Variants in ERBB4 observed in about 807,000 individuals in gnomAD.
ERBB4 encodes the protein erb-b2 receptor tyrosine kinase 4.
Under a neutral mutation model 158.0 loss-of-function variants are expected in ERBB4, and 42 were observed. That is an observed-to-expected ratio of 0.27 (90% CI 0.21 to 0.34). The LOEUF is 0.34. Ranked by LOEUF, ERBB4 falls within the 10% of genes least tolerant of loss-of-function variation. ERBB4 has a pLI of 1.00. For synonymous variants in ERBB4, 583 were observed against 558.7 expected (o/e 1.04, Z -0.61); for missense variants, 1,333 against 1,624.1 (o/e 0.82, Z 3.08).
intron 1 of ERBB4, among the ~76,000 whole-genome samples, chr2:212,521,518 G>A (rs958651463): frequency 4.6e-5 from 7 of 151,668 alleles, no homozygotes; most frequent in African/African-American, 1.2e-4. Flanking sequence ...CATATTTAAC[G>A]TTTTCTAACT....
At chr2:212,498,271 G>A (rs1172501994) in intron 1 of ERBB4, among the ~76,000 whole-genome samples, 1 of 152,032 alleles carries the variant, frequency 6.6e-6, no homozygotes, top group African/African-American at 2.4e-5. Context: ...GATCAAAGAG[G>A]CTACAGCTTT....
At chr2:211,451,119 C>G (rs1039741135) in intron 20 of ERBB4, among the ~76,000 whole-genome samples, 10 of 152,080 alleles carry the variant, frequency 6.6e-5, no homozygotes, top group African/African-American at 2.4e-4. Context: ...AGGGACAAAA[C>G]TGAGATGACA....
At chr2:211,725,932 T>A (rs1446058289) in intron 5 of ERBB4, among the ~76,000 whole-genome samples, 1 of 152,124 alleles carries the variant, frequency 6.6e-6, no homozygotes, top group Non-Finnish European at 1.5e-5. Context: ...TCTTTTCTTA[T>A]AACATGCTTC....
intron 20 of ERBB4, among the ~76,000 whole-genome samples, chr2:211,516,430 T>C (rs2066035625): frequency 6.6e-6 from 1 of 151,684 alleles, no homozygotes. Context: ...GCCTCCTGGG[T>C]TCAAGCGATT....
chr2:211,894,595 C>T (rs1450168615), intron 3 of ERBB4, among the ~76,000 whole-genome samples: 2 of 152,078 alleles, frequency 1.3e-5, no homozygotes, highest in African/African-American at 4.8e-5. Context: ...ACTCATTTCA[C>T]AAATCACTAA....
intron 3 of ERBB4, among the ~76,000 whole-genome samples, chr2:211,937,494 C>T (rs928662527): frequency 1.3e-4 from 20 of 152,170 alleles, no homozygotes; most frequent in African/African-American, 4.3e-4. Flanking sequence ...AGTCCATTCT[C>T]ACATTGCTGC....
In ERBB4 at chr2:212,323,687, C is replaced by T. The variant is rs2087676577; in HGVS notation, c.83-198784G>A. Among the ~76,000 whole-genome samples, 4 of 150,586 alleles carry T rather than the reference C, an allele frequency of 2.7e-5. No homozygotes were observed. In the South Asian group the frequency reaches 6.4e-4, roughly 24 times the overall value. On this transcript the variant is annotated intron_variant, in intron 1 of 27. Coordinates refer to ENST00000342788, the MANE Select transcript of ERBB4 (RefSeq NM_005235.3). ...ACAAAGTAAACAAAGTATAAAAGTG[C>T]TTCAAGAGATTATTATGATTATTGT...
In ERBB4 at chr2:211,986,439, T is replaced by C. The variant is rs573684329; in HGVS notation, c.235-38823A>G. ...TTGTTAGAACTCGTATTAGAATCTGTTGTCCATGAGGCAGTTTTTACTAAG... is the reference window on the plus strand; with the variant it reads ...TTGTTAGAACTCGTATTAGAATCTGCTGTCCATGAGGCAGTTTTTACTAAG... On this transcript the variant is annotated intron_variant, in intron 2 of 27. Transcript: ENST00000342788. 2.0e-5 allele frequency among the ~76,000 whole-genome samples: 3 copies of C among 152,322 alleles called. No homozygotes were observed. The East Asian group carries it at 5.8e-4, about 29-fold the overall frequency.
chr2:211,481,156 G>A (rs2065072984), intron 20 of ERBB4, among the ~76,000 whole-genome samples: 1 of 151,996 alleles, frequency 6.6e-6, no homozygotes, highest in Non-Finnish European at 1.5e-5. Context: ...AGTAAAAAGT[G>A]ATTGAATACC....
At chr2:211,772,748 T>A in intron 4 of ERBB4, among the ~76,000 whole-genome samples, 1 of 142,676 alleles carries the variant, frequency 7.0e-6, no homozygotes, top group Non-Finnish European at 1.5e-5. Flanking sequence ...TGGACTTAAG[T>A]GATCCTCCTA....
intron 24 of ERBB4, 54 bp from the exon 25 acceptor site, chr2:211,420,665 A>G: frequency 7.0e-7 from 1 of 1,419,836 alleles, no homozygotes; most frequent in East Asian, 2.3e-5. Context: ...TATCTTAAAT[A>G]TGTGGTCTCT....
chr2:212,059,087 G>A (rs2077675442), intron 2 of ERBB4, among the ~76,000 whole-genome samples: 1 of 152,172 alleles, frequency 6.6e-6, no homozygotes, highest in African/African-American at 2.4e-5. Flanking sequence ...AGCAACTTCA[G>A]CAAAGTCTCA....
intron 14 of ERBB4, among the ~76,000 whole-genome samples, chr2:211,667,157 G>T (rs1200540214): frequency 1.4e-5 from 2 of 142,016 alleles, no homozygotes; most frequent in Non-Finnish European, 3.0e-5. Context: ...ATTTGTGGTG[G>T]GCCACACTCA....
intron 1 of ERBB4, among the ~76,000 whole-genome samples, chr2:212,273,605 A>T (rs563986528): frequency 7.9e-5 from 12 of 151,848 alleles, no homozygotes; most frequent in Non-Finnish European, 1.6e-4. Context: ...TTCTCATCAT[A>T]AAGTAACATT....
At chr2:211,471,800 G>A (rs775804043) in intron 20 of ERBB4, among the ~76,000 whole-genome samples, 5 of 152,102 alleles carry the variant, frequency 3.3e-5, no homozygotes, top group African/African-American at 9.7e-5. Context: ...TAAAAATAAT[G>A]AGCAGTCTGA....
At chr2:211,553,196 C>T (rs955144279) in intron 20 of ERBB4, among the ~76,000 whole-genome samples, 8 of 151,924 alleles carry the variant, frequency 5.3e-5, no homozygotes, top group African/African-American at 1.9e-4. Flanking sequence ...CTCGAACTTC[C>T]GACCTCACGT....
At chr2:211,558,972 G>GTA (rs1307808551) in intron 20 of ERBB4, among the ~76,000 whole-genome samples, 2 of 152,030 alleles carry the variant, frequency 1.3e-5, no homozygotes, top group African/African-American at 4.8e-5. Context: ...ATTCCTAAAT[G>GTA]TATATATACA....
intron 20 of ERBB4, among the ~76,000 whole-genome samples, chr2:211,538,273 G>A (rs1489762736): frequency 2.0e-5 from 3 of 149,170 alleles, no homozygotes; most frequent in Non-Finnish European, 2.9e-5. Context: ...CCTTCCAGTG[G>A]CAGAGAAATC....
chr2:211,395,625 ATTAACTT>A (rs2062897560), intron 25 of ERBB4, among the ~76,000 whole-genome samples: 1 of 152,090 alleles, frequency 6.6e-6, no homozygotes, highest in Non-Finnish European at 1.5e-5. Context: ...TAAGACAGAT[ATTAACTT>A]TTGTTATTGA....
Sources: allele counts gnomAD v4.1 joint callset (sites outside exome capture counted in the v4.1 genomes callset), GRCh38; gene constraint gnomAD v4.1.1; transcripts MANE v1.5; gene names NCBI Gene and HGNC (gene_info 2026-07-23, HGNC 2026-07-21).